The following L3MBTL4 variants were observed in gnomAD, a reference collection of about 807,000 sequenced individuals.
L3MBTL4 encodes the protein lethal(3)malignant brain tumor-like protein 4.
Under a neutral mutation model 84.5 loss-of-function variants are expected in L3MBTL4, and 70 were observed. The ratio of observed to expected loss-of-function variants is 0.83; its 90% CI spans 0.68 to 1.01. The LOEUF (loss-of-function observed/expected upper bound fraction) is 1.01, where lower values mean the gene tolerates loss of function less well. Ranked by LOEUF, L3MBTL4 falls within the 50% of genes least tolerant of loss-of-function variation. L3MBTL4 has a pLI of 0.00. For synonymous variants in L3MBTL4, 274 were observed against 259.8 expected, an observed-to-expected ratio of 1.05 and a Z score of -0.52; for missense variants, 715 against 754.8, an observed-to-expected ratio of 0.95 and a Z score of 0.62.
chr18:6,204,768 G>C (rs1328254707), intron 12 of L3MBTL4, among the ~76,000 whole-genome samples: 4 of 152,182 alleles, frequency 2.6e-5, no homozygotes, highest in African/African-American at 9.6e-5. Context: ...TTGAGGGTTT[G>C]TGCCCTGCAC....
At chr18:6,330,210 T>G (rs236035) in intron 1 of L3MBTL4, among the ~76,000 whole-genome samples, 4 of 152,216 alleles carry the variant, frequency 2.6e-5, no homozygotes, top group African/African-American at 9.7e-5. Context: ...TCACAGAGTA[T>G]GTGAATTACT....
chr18:6,237,646 G>C (rs1471963935), intron 10 of L3MBTL4, among the ~76,000 whole-genome samples: 1 of 151,418 alleles, frequency 6.6e-6, no homozygotes, highest in Non-Finnish European at 1.5e-5. Flanking sequence ...AGTAGAGATG[G>C]GGTTTCACCA....
chr18:6,253,083 T>G (rs1200754557), intron 5 of L3MBTL4, among the ~76,000 whole-genome samples: 1 of 152,170 alleles, frequency 6.6e-6, no homozygotes, highest in Non-Finnish European at 1.5e-5. Context: ...GCACCTGTGG[T>G]CCCAGCTACT....
intron 16 of L3MBTL4, among the ~76,000 whole-genome samples, chr18:6,079,316 TG>T (rs2057987470): frequency 6.6e-6 from 1 of 152,208 alleles, no homozygotes; most frequent in Non-Finnish European, 1.5e-5. Context: ...GGCAGCCGTG[TG>T]CTCCACCTAA....
At chr18:6,034,855 T>C (rs2056040930) in intron 16 of L3MBTL4, among the ~76,000 whole-genome samples, 1 of 149,622 alleles carries the variant, frequency 6.7e-6, no homozygotes, top group Non-Finnish European at 1.5e-5. Context: ...TGGTGTGAGA[T>C]GGTATCTCAT....
At chr18:6,064,063 TC>T (rs2145911889) in intron 16 of L3MBTL4, among the ~76,000 whole-genome samples, 2 of 152,230 alleles carry the variant, frequency 1.3e-5, no homozygotes, top group South Asian at 4.1e-4. Context: ...CCAGTTTCAT[TC>T]TTCTACATGT....
At position 6,198,805 on chromosome 18, in the gene L3MBTL4, G is replaced by A. The variant is rs551356235; in HGVS notation, c.981+14344C>T. 2.2e-4 allele frequency among the ~76,000 whole-genome samples: 33 copies of A among 152,248 alleles called. No individual in the cohort carries two copies. The South Asian group carries it at 6.2e-3, about 29-fold the overall frequency. On this transcript the variant is annotated intron_variant, in intron 12 of 18. Transcript: ENST00000317931. ...TAGGCTGGTCACATGTAATACTAGA[G>A]AATAGTTACTAAACTACTGAACTCA...
At chr18:6,012,863 T>C (rs574203833) in intron 16 of L3MBTL4, among the ~76,000 whole-genome samples, 3 of 152,132 alleles carry the variant, frequency 2.0e-5, no homozygotes, top group Non-Finnish European at 4.4e-5. Context: ...TTTATAAACA[T>C]GCTGTGCCTT....
At chr18:6,238,069 C>G (rs770292783) in intron 9 of L3MBTL4, 29 bp from the exon 10 acceptor site, 35 of 1,588,204 alleles carry the variant, frequency 2.2e-5, no homozygotes, top group African/African-American at 5.4e-5. Flanking sequence ...ATATTACGTT[C>G]CGTTTTACTT....
In L3MBTL4 at chr18:6,062,680, T is replaced by C. The variant is rs1463914248; in HGVS notation, c.1444+18201A>G. Reference sequence around the variant, plus strand: ...TATTCTGTAATGTCTTTTTCATCTTTTTTTTCTCTTTGCTTTTTAGATTGG... The same window carrying C: ...TATTCTGTAATGTCTTTTTCATCTTCTTTTTCTCTTTGCTTTTTAGATTGG... On this transcript the variant is annotated intron_variant, in intron 16 of 18. Coordinates refer to ENST00000317931, the MANE Select transcript of L3MBTL4 (RefSeq NM_001330559.2). 2.0e-5 allele frequency among the ~76,000 whole-genome samples: 3 copies of C among 152,046 alleles called. No individual in the cohort carries two copies. In the East Asian group the frequency reaches 5.8e-4, roughly 29 times the overall value.
intron 16 of L3MBTL4, among the ~76,000 whole-genome samples, chr18:6,024,871 C>A (rs2055432811): frequency 6.6e-6 from 1 of 152,158 alleles, no homozygotes; most frequent in African/African-American, 2.4e-5. Flanking sequence ...ACTGCACATT[C>A]TGGTATGCAG....
intron 1 of L3MBTL4, among the ~76,000 whole-genome samples, chr18:6,376,630 C>T (rs546965396): frequency 2.6e-5 from 4 of 152,062 alleles, no homozygotes; most frequent in South Asian, 2.1e-4. Flanking sequence ...CCCAGCTACT[C>T]GGGAGGCTGA....
chr18:6,304,649 T>C (rs2146869206), intron 3 of L3MBTL4, among the ~76,000 whole-genome samples: 1 of 152,306 alleles, frequency 6.6e-6, no homozygotes, highest in South Asian at 2.1e-4. Context: ...CGCAATCATA[T>C]CTACCCTGTT....
chr18:6,167,232 G>C (rs2043716080), intron 13 of L3MBTL4, among the ~76,000 whole-genome samples: 1 of 152,294 alleles, frequency 6.6e-6, no homozygotes, highest in East Asian at 1.9e-4. Flanking sequence ...ATTCACAGCT[G>C]AATTCTACCA....
intron 17 of L3MBTL4, among the ~76,000 whole-genome samples, chr18:5,969,012 A>C (rs1486055853): frequency 2.0e-5 from 3 of 152,152 alleles, no homozygotes; most frequent in African/African-American, 4.8e-5. Flanking sequence ...CCTTTCCCAG[A>C]GCACACGTGC....
At chr18:6,054,537 C>T (rs758026285) in intron 16 of L3MBTL4, among the ~76,000 whole-genome samples, 15 of 152,182 alleles carry the variant, frequency 9.9e-5, no homozygotes, top group Non-Finnish European at 1.9e-4. Context: ...CCTCTGCCCT[C>T]GCCCCCGCCC....
intron 5 of L3MBTL4, chr18:6,256,889 G>A (rs1309861246): frequency 1.3e-5 from 2 of 152,404 alleles, no homozygotes; most frequent in African/African-American, 4.8e-5. Flanking sequence ...TTGTGGCAAG[G>A]ACAAGGTCTG....
intron 4 of L3MBTL4, among the ~76,000 whole-genome samples, chr18:6,286,106 AG>A (rs1471679562): frequency 6.6e-6 from 1 of 151,674 alleles, no homozygotes; most frequent in Non-Finnish European, 1.5e-5. Context: ...CTGGGATTAA[AG>A]GCGTGAGCCA....
chr18:6,070,750 A>G (rs541864845), intron 16 of L3MBTL4, among the ~76,000 whole-genome samples: 2 of 152,234 alleles, frequency 1.3e-5, no homozygotes, highest in Admixed American at 6.5e-5. Flanking sequence ...AGGTGGGAGG[A>G]TCACTTGAGC....
Sources: gnomAD v4.1 joint callset for allele counts (sites outside exome capture counted in the v4.1 genomes callset) on GRCh38, gnomAD v4.1.1 for gene constraint, MANE v1.5 for transcripts, NCBI Gene and HGNC (gene_info 2026-07-23, HGNC 2026-07-21) for gene names.